Variants in WWC1 observed in about 807,000 individuals in gnomAD.
WWC1 encodes the protein protein KIBRA.
In WWC1, 55 loss-of-function variants were observed where a neutral mutation model predicts 138.4. The ratio of observed to expected loss-of-function variants is 0.40; its 90% CI spans 0.32 to 0.50. The LOEUF (loss-of-function observed/expected upper bound fraction) is 0.50. Among genes scored for constraint, WWC1 ranks in the 20% least tolerant of loss-of-function variants. The pLI, the probability that WWC1 is intolerant of heterozygous loss-of-function variation, is 0.72. For synonymous variants in WWC1, 524 were observed against 564.9 expected, an observed-to-expected ratio of 0.93 and a Z score of 1.03; for missense variants, 1,226 against 1,420.4, an observed-to-expected ratio of 0.86 and a Z score of 2.20.
rs777421469 is a variant in WWC1, at chr5:168,464,888, G to A, written c.3076G>A (p.Gly1026Arg). ...KEQLEQAKSH[G>R]EKELPQWLRE... ...GCAGCTGGAACAAGCCAAGAGCCAC[G>A]GGGAGAAGGAGCTGCCACAGTGGTT... The change falls in exon 21 of 23, where the codon GGG becomes AGG. Residue 1026 changes from glycine to arginine, a missense_variant. Transcript: ENST00000265293. 1.1e-5 allele frequency: 17 copies of A among 1,614,216 alleles called. No individual in the cohort carries two copies. Among genetic ancestry groups the A allele is most frequent in the Non-Finnish European group, 1.1e-5 (13 of 1,180,050 alleles).
chr5:168,347,617 G>A (rs926048889), intron 1 of WWC1, among the ~76,000 whole-genome samples: 1 of 152,160 alleles, frequency 6.6e-6, no homozygotes, highest in African/African-American at 2.4e-5. Flanking sequence ...ACAGCGCTTG[G>A]GTTCCCTCTT....
chr5:168,393,976 A>G (rs888848456), intron 3 of WWC1, among the ~76,000 whole-genome samples: 1 of 152,254 alleles, frequency 6.6e-6, no homozygotes, highest in Non-Finnish European at 1.5e-5. Context: ...AAAGTCAGCT[A>G]GCTGATTGCA....
At chr5:168,333,213 C>T (rs775076691) in intron 1 of WWC1, among the ~76,000 whole-genome samples, 15 of 152,164 alleles carry the variant, frequency 9.9e-5, no homozygotes, top group Non-Finnish European at 1.8e-4. Flanking sequence ...AAAGAAACTA[C>T]GAATTCACTA....
At chr5:168,337,529 A>G (rs1773594534) in intron 1 of WWC1, among the ~76,000 whole-genome samples, 1 of 152,234 alleles carries the variant, frequency 6.6e-6, no homozygotes, top group Non-Finnish European at 1.5e-5. Context: ...CATCCTGCCC[A>G]AAATGTCAAC....
intron 9 of WWC1, 77 bp downstream of exon 9, chr5:168,414,667 A>G (rs1780467798): frequency 1.4e-6 from 2 of 1,465,614 alleles, no homozygotes; most frequent in African/African-American, 2.8e-5. Context: ...TGGGGGAAGA[A>G]TGAGGGGGCT....
chr5:168,468,748 T>C (rs1019884969), intron 22 of WWC1, among the ~76,000 whole-genome samples: 1 of 152,124 alleles, frequency 6.6e-6, no homozygotes, highest in Non-Finnish European at 1.5e-5. Context: ...CCTGGAACAT[T>C]TGGCAATGAG....
At chr5:168,453,825 T>G (rs891990587) in intron 17 of WWC1, 143 bp from the exon 18 acceptor site, 1 of 1,436,256 alleles carries the variant, frequency 7.0e-7, no homozygotes, top group East Asian at 2.6e-5. Context: ...GGATTACAGG[T>G]GTGAGCCTGG....
At chr5:168,462,911 C>A (rs903012774) in intron 20 of WWC1, among the ~76,000 whole-genome samples, 14 of 152,190 alleles carry the variant, frequency 9.2e-5, no homozygotes, top group African/African-American at 3.4e-4. Context: ...GATCACTCAG[C>A]TGGATTTCCT....
chr5:168,449,884 T>C (rs1456010048), intron 17 of WWC1, among the ~76,000 whole-genome samples: 1 of 152,172 alleles, frequency 6.6e-6, no homozygotes, highest in Admixed American at 6.5e-5. Context: ...AACAGCTCTT[T>C]TATTTGTAGA....
intron 2 of WWC1, among the ~76,000 whole-genome samples, chr5:168,374,045 CAAAA>C (rs200314568): frequency 1.2e-4 from 12 of 99,616 alleles, no homozygotes; most frequent in African/African-American, 1.8e-4. Context: ...GATTCTGTAC[CAAAA>C]AAAAAAAAAA....
intron 2 of WWC1, among the ~76,000 whole-genome samples, chr5:168,378,547 A>T (rs1343518291): frequency 6.6e-6 from 1 of 152,170 alleles, no homozygotes; most frequent in Non-Finnish European, 1.5e-5. Context: ...CTCTTTGTGT[A>T]TGTTACTTTC....
chr5:168,449,686 G>C (rs1299913534), intron 17 of WWC1, among the ~76,000 whole-genome samples: 1 of 146,398 alleles, frequency 6.8e-6, no homozygotes, highest in African/African-American at 2.5e-5. Flanking sequence ...TGATTCTCCT[G>C]TCTCAGTCTG....
At chr5:168,413,023 A>G (rs1277730551) in intron 8 of WWC1, among the ~76,000 whole-genome samples, 1 of 152,310 alleles carries the variant, frequency 6.6e-6, no homozygotes, top group Non-Finnish European at 1.5e-5. Flanking sequence ...GTTTTTCTAC[A>G]TGGAATTTTT....
In WWC1 at chr5:168,371,467, T is replaced by C. The variant is rs1180074214; in HGVS notation, c.163T>C (p.Leu55=). ...CTTTGCTGACTGCATTAGTGATGAG[T>C]TGCCGCTAGGATGGGAAGAGGCATA... ...LTFADCISDE[L]PLGWEEAYDP... is the part of the protein sequence containing the mutation. The change falls in exon 2 of 23, where the codon TTG becomes CTG. Residue 55 remains leucine (L), a synonymous_variant. Transcript: ENST00000265293. The C allele has an allele frequency of 3.7e-6, 6 of 1,613,966 alleles. No individual in the cohort carries two copies. The highest frequency in any genetic ancestry group is 5.1e-6 in the Non-Finnish European group (6 of 1,180,006).
chr5:168,405,750 G>A (rs1242349212), intron 5 of WWC1, among the ~76,000 whole-genome samples: 4 of 142,232 alleles, frequency 2.8e-5, no homozygotes, highest in Admixed American at 7.4e-5. Flanking sequence ...TTTTTGAGAC[G>A]GAGTCTTGTT....
At chr5:168,417,452 A>G (rs1320232812) in intron 9 of WWC1, among the ~76,000 whole-genome samples, 1 of 152,100 alleles carries the variant, frequency 6.6e-6, no homozygotes, top group African/African-American at 2.4e-5. Context: ...ATATAATCTC[A>G]TTTAAACCTC....
intron 15 of WWC1, among the ~76,000 whole-genome samples, chr5:168,440,837 ATTAC>A (rs201180521): frequency 0.011 from 1,653 of 152,256 alleles, 28 homozygotes; most frequent in East Asian, 0.043. Context: ...TTCTTAAAGA[ATTAC>A]TTGTACACTC....
rs10636051 is a variant in WWC1, at chr5:168,449,570, C to CT, written c.2526-4376dup. Among the ~76,000 whole-genome samples, 683 of 90,636 alleles carry CT rather than the reference C, an allele frequency of 7.5e-3. 16 individuals are homozygous for CT. The highest frequency in any genetic ancestry group is 0.019 in the South Asian group (46 of 2,452). The allele number at this position is 90,636 out of a possible 152,430, so 59.5% of individuals were successfully genotyped here. A position where few individuals can be genotyped will look rare whatever the true frequency, so the allele number is the denominator to read the frequency against. On this transcript the variant is annotated intron_variant, in intron 17 of 22. Transcript: ENST00000265293. ...CTGTGTGTTCACATGTTTAACAGCT[C>CT]TTTTTTTTTTTTTTTTTTTTTTGAG...
At chr5:168,409,408 C>T (rs1470938772) in intron 7 of WWC1, among the ~76,000 whole-genome samples, 1 of 152,174 alleles carries the variant, frequency 6.6e-6, no homozygotes, top group Non-Finnish European at 1.5e-5. Context: ...CCCATACCAC[C>T]ATGTGTCCAG....
Sources: gnomAD v4.1 joint callset for allele counts (sites outside exome capture counted in the v4.1 genomes callset) on GRCh38, gnomAD v4.1.1 for gene constraint, MANE v1.5 for transcripts, NCBI Gene and HGNC (gene_info 2026-07-23, HGNC 2026-07-21) for gene names.